Variants in ADGRB3 observed in about 807,000 individuals in gnomAD.
ADGRB3 encodes the protein brain-specific angiogenesis inhibitor 3.
A neutral mutation model predicts 193.4 loss-of-function variants in ADGRB3; 37 were observed. The ratio of observed to expected loss-of-function variants is 0.19; its 90% confidence interval spans 0.15 to 0.25. ADGRB3 has a LOEUF of 0.25. Ranked by LOEUF, ADGRB3 falls within the 10% of genes least tolerant of loss-of-function variation. The probability of loss-of-function intolerance (pLI) is 1.00; values close to 1 mark genes in which losing one functional copy is unlikely to be tolerated. For missense variants in ADGRB3, 1,637 were observed against 1,852.9 expected (o/e 0.88, Z 2.14); for synonymous variants, 690 against 644.2 (o/e 1.07, Z -1.08).
intron 3 of ADGRB3, among the ~76,000 whole-genome samples, chr6:68,864,732 C>T (rs760938559): frequency 1.1e-4 from 16 of 152,138 alleles, no homozygotes. Flanking sequence ...CTGGCCAGTT[C>T]ATTTGTTCTG....
At chr6:69,091,053 T>C (rs1772690755) in intron 17 of ADGRB3, among the ~76,000 whole-genome samples, 1 of 152,208 alleles carries the variant, frequency 6.6e-6, no homozygotes, top group Non-Finnish European at 1.5e-5. Context: ...TCAACACCAT[T>C]GATCTTTAGA....
chr6:69,111,046 T>C (rs1222099172), intron 17 of ADGRB3, among the ~76,000 whole-genome samples: 1 of 152,238 alleles, frequency 6.6e-6, no homozygotes, highest in African/African-American at 2.4e-5. Flanking sequence ...AAAATAATTT[T>C]AGTTTTTATC....
intron 20 of ADGRB3, among the ~76,000 whole-genome samples, chr6:69,271,307 C>T (rs1767170484): frequency 6.6e-6 from 1 of 152,042 alleles, no homozygotes; most frequent in South Asian, 2.1e-4. Context: ...TTTTTTGTAT[C>T]AGGTGGCTGA....
At chr6:69,224,718 T>A (rs1765972822) in intron 17 of ADGRB3, among the ~76,000 whole-genome samples, 1 of 152,188 alleles carries the variant, frequency 6.6e-6, no homozygotes, top group African/African-American at 2.4e-5. Flanking sequence ...AGTACTCTTC[T>A]TCAGTTTTAT....
chr6:68,927,531 G>A (rs1161953637), intron 3 of ADGRB3, among the ~76,000 whole-genome samples: 2 of 152,028 alleles, frequency 1.3e-5, no homozygotes, highest in Non-Finnish European at 2.9e-5. Flanking sequence ...ATACCCCATT[G>A]CAAGGTATGG....
chr6:68,916,811 T>G (rs1272418876), intron 3 of ADGRB3, among the ~76,000 whole-genome samples: 2 of 152,148 alleles, frequency 1.3e-5, no homozygotes, highest in African/African-American at 4.8e-5. Flanking sequence ...GAGCATGGTA[T>G]GAAAGATGCA....
chr6:69,347,217 G>A (rs1769115226), intron 26 of ADGRB3, among the ~76,000 whole-genome samples: 1 of 152,094 alleles, frequency 6.6e-6, no homozygotes, highest in African/African-American at 2.4e-5. Flanking sequence ...GGAGGTGGGG[G>A]CCTAGGGGAG....
intron 17 of ADGRB3, among the ~76,000 whole-genome samples, chr6:69,178,590 T>C (rs1159994374): frequency 6.6e-6 from 1 of 152,232 alleles, no homozygotes; most frequent in Non-Finnish European, 1.5e-5. Flanking sequence ...GCAGGTATCA[T>C]TCTTTCATTT....
intron 17 of ADGRB3, among the ~76,000 whole-genome samples, chr6:69,199,008 AG>A (rs1284961263): frequency 2.6e-5 from 4 of 152,138 alleles, no homozygotes; most frequent in African/African-American, 9.7e-5. Flanking sequence ...GGCTAAATGC[AG>A]GTCCATTACC....
chr6:68,711,638 A>G (rs1279827013), intron 3 of ADGRB3, among the ~76,000 whole-genome samples: 1 of 152,030 alleles, frequency 6.6e-6, no homozygotes, highest in Non-Finnish European at 1.5e-5. Context: ...AGCTAATTAC[A>G]TTTTAACTTC....
In ADGRB3 at chr6:69,023,162, A is replaced by T. The variant is rs1332805345; in HGVS notation, c.2107+4663A>T. Among the ~76,000 whole-genome samples the T allele has an allele frequency of 2.0e-5, 3 of 152,100 alleles. No homozygotes were observed. The East Asian group carries it at 5.8e-4, about 29-fold the overall frequency. ...CAAAAACAAAAATAATTTTTCTCTT[A>T]CTGTAAGCAAAGCCTTTGCTGAATG... On this transcript the variant is annotated intron_variant, in intron 13 of 31. Transcript: ENST00000370598.
At chr6:68,718,773 T>C (rs1321251583) in intron 3 of ADGRB3, among the ~76,000 whole-genome samples, 1 of 151,752 alleles carries the variant, frequency 6.6e-6, no homozygotes, top group Non-Finnish European at 1.5e-5. Flanking sequence ...AGTGCTAATC[T>C]ATCAGCTAGA....
intron 11 of ADGRB3, among the ~76,000 whole-genome samples, chr6:69,000,310 G>A (rs1158041478): frequency 6.6e-6 from 1 of 152,150 alleles, no homozygotes; most frequent in African/African-American, 2.4e-5. Context: ...GGGAAATACA[G>A]GATTAGGTCC....
intron 17 of ADGRB3, among the ~76,000 whole-genome samples, chr6:69,194,797 T>C (rs1289834270): frequency 6.6e-6 from 1 of 152,232 alleles, no homozygotes; most frequent in South Asian, 2.1e-4. Flanking sequence ...TGTGAACTTA[T>C]TGGCTGTGTG....
intron 16 of ADGRB3, among the ~76,000 whole-genome samples, chr6:69,072,448 C>T (rs909989737): frequency 3.3e-5 from 5 of 151,994 alleles, no homozygotes; most frequent in Non-Finnish European, 4.4e-5. Context: ...GTTTTGAAAC[C>T]TTTTTTGAAG....
rs563656852 is a variant in ADGRB3 at position 68,926,183 on chromosome 6, T to G, written c.758-4376T>G. ...TTTGTTTGATAAATAAATATTGAAC[T>G]TCAGTTATGTCCAAAGCAGGAGGTG... On this transcript the variant is annotated intron_variant, in intron 3 of 31. Transcript: ENST00000370598. Among the ~76,000 whole-genome samples, 167 of 152,242 alleles carry G rather than the reference T, an allele frequency of 1.1e-3. 1 individual carries two copies. The highest frequency in any genetic ancestry group is 3.6e-3 in the African/African-American group (151 of 41,552).
chr6:68,995,977 T>C (rs1159593209), intron 11 of ADGRB3, among the ~76,000 whole-genome samples: 2 of 152,232 alleles, frequency 1.3e-5, no homozygotes, highest in Non-Finnish European at 2.9e-5. Context: ...TACTTGATTA[T>C]AAACTCTGGT....
intron 17 of ADGRB3, among the ~76,000 whole-genome samples, chr6:69,228,130 G>A (rs1766057961): frequency 6.6e-6 from 1 of 152,218 alleles, no homozygotes; most frequent in South Asian, 2.1e-4. Context: ...AGTGGCATGT[G>A]CCTGTAATCC....
chr6:69,331,402 A>G (rs1314482520), intron 23 of ADGRB3: 2 of 294,636 alleles, frequency 6.8e-6, no homozygotes, highest in Admixed American at 6.5e-5. Flanking sequence ...ATTAAATATA[A>G]ATATTCATAT....
Sources: allele counts gnomAD v4.1 joint callset (sites outside exome capture counted in the v4.1 genomes callset), GRCh38; gene constraint gnomAD v4.1.1; transcripts MANE v1.5; gene names NCBI Gene and HGNC (gene_info 2026-07-23, HGNC 2026-07-21).